The following GASK1A variants were observed in gnomAD, a reference collection of about 807,000 sequenced individuals.
GASK1A encodes Golgi-associated kinase 1A.
A neutral mutation model predicts 41.2 loss-of-function variants in GASK1A; 40 were observed. That is an observed-to-expected ratio of 0.97 (90% CI 0.75 to 1.27). GASK1A has a LOEUF of 1.27. Among genes scored for constraint, GASK1A ranks in the 50% most tolerant of loss-of-function variants. The pLI, the probability that GASK1A is intolerant of heterozygous loss-of-function variation, is 0.00. For missense variants in GASK1A, 678 were observed against 745.1 expected (o/e 0.91, Z 1.05); for synonymous variants, 316 against 307.1 (o/e 1.03, Z -0.30).
chr3:43,023,472 A>G, intron 1 of GASK1A, among the ~76,000 whole-genome samples: 1 of 152,234 alleles, frequency 6.6e-6, no homozygotes, highest in East Asian at 1.9e-4. Context: ...ACTGTGACAT[A>G]TGCATATGTT....
At chr3:43,035,439 A>G (rs1158527227) in intron 2 of GASK1A, among the ~76,000 whole-genome samples, 1 of 152,232 alleles carries the variant, frequency 6.6e-6, no homozygotes, top group Admixed American at 6.5e-5. Flanking sequence ...CCCCAGGAGC[A>G]GCCTGCAACT....
intron 2 of GASK1A, among the ~76,000 whole-genome samples, chr3:43,041,934 C>T (rs746747593): frequency 1.4e-4 from 21 of 152,162 alleles, no homozygotes; most frequent in Non-Finnish European, 2.6e-4. Context: ...AGGCCCCAGG[C>T]CTGTGACTGT....
At chr3:43,041,874 A>G (rs1177429478) in intron 2 of GASK1A, among the ~76,000 whole-genome samples, 1 of 152,178 alleles carries the variant, frequency 6.6e-6, no homozygotes, top group Non-Finnish European at 1.5e-5. Flanking sequence ...AGATTTTTTC[A>G]GGCCAGGTGC....
intron 1 of GASK1A, among the ~76,000 whole-genome samples, chr3:42,983,748 G>C (rs1469329353): frequency 2.0e-5 from 3 of 152,196 alleles, no homozygotes. Flanking sequence ...CTCTTCTGGG[G>C]TACAGCCCTT....
At chr3:42,992,513 G>T (rs1194424415) in intron 1 of GASK1A, among the ~76,000 whole-genome samples, 1 of 152,162 alleles carries the variant, frequency 6.6e-6, no homozygotes, top group Non-Finnish European at 1.5e-5. Context: ...GCATAGCAAG[G>T]CCTGGGCTTC....
In GASK1A at chr3:42,986,658, C is replaced by T. The variant is rs567112652; in HGVS notation, c.3+7013C>T. ...GGCCTGGCTCTTGGATGTGGGTGCT[C>T]GCCCCACCAGCTAGGGGTTTGTGTT... On this transcript the variant is annotated intron_variant, in intron 1 of 4. Coordinates refer to ENST00000430121, the MANE Select transcript of GASK1A (RefSeq NM_001129908.3). Among the ~76,000 whole-genome samples, 9 of 152,160 alleles carry T rather than the reference C, an allele frequency of 5.9e-5. No homozygotes were observed. In the South Asian group the frequency reaches 1.5e-3, roughly 25 times the overall value.
At chr3:43,052,589 G>T (rs1344993121) in intron 2 of GASK1A, among the ~76,000 whole-genome samples, 1 of 152,068 alleles carries the variant, frequency 6.6e-6, no homozygotes, top group Non-Finnish European at 1.5e-5. Context: ...ATTCCCTACT[G>T]CTCAGCCGCC....
chr3:43,041,193 A>G (rs1293004973), intron 2 of GASK1A, among the ~76,000 whole-genome samples: 2 of 150,116 alleles, frequency 1.3e-5, no homozygotes, highest in Admixed American at 1.3e-4. Context: ...ATACATGTGC[A>G]CGTGTCTTTA....
intron 3 of GASK1A, among the ~76,000 whole-genome samples, chr3:43,054,810 ATC>A (rs1380006047): frequency 6.6e-6 from 1 of 152,216 alleles, no homozygotes; most frequent in Non-Finnish European, 1.5e-5. Flanking sequence ...CTTCTGTAGA[ATC>A]AGATTATGGT....
chr3:43,047,079 C>T (rs908417356), intron 2 of GASK1A, among the ~76,000 whole-genome samples: 26 of 152,330 alleles, frequency 1.7e-4, no homozygotes, highest in Non-Finnish European at 1.3e-4. Context: ...GGAGTCAGAG[C>T]CCCCACACAG....
intron 1 of GASK1A, among the ~76,000 whole-genome samples, chr3:43,010,606 A>T (rs1190846579): frequency 6.6e-6 from 1 of 152,168 alleles, no homozygotes; most frequent in East Asian, 1.9e-4. Context: ...TGCCATCTCT[A>T]AGTTTGACAT....
intron 1 of GASK1A, among the ~76,000 whole-genome samples, chr3:43,014,406 A>C (rs2089479718): frequency 6.6e-6 from 1 of 151,884 alleles, no homozygotes; most frequent in Admixed American, 6.6e-5. Context: ...GTGTGAAGCC[A>C]CAAGAAGGGG....
At chr3:42,980,572 G>A (rs1226506760) in intron 1 of GASK1A, among the ~76,000 whole-genome samples, 1 of 152,144 alleles carries the variant, frequency 6.6e-6, no homozygotes, top group Non-Finnish European at 1.5e-5. Flanking sequence ...GCTGGGCCTG[G>A]GGTTTAGAAG....
Position 43,055,415 on chromosome 3 carries a change from C to T in GASK1A, c.1414-17C>T, listed in dbSNP as rs1415699969. ...CACCCTTACCCACCTCTGTCTCTGT[C>T]CACCCTCTTCCCTGAGGTCCGGAGC... is the stretch of plus-strand genomic sequence containing the variant. On this transcript the variant is annotated splice_polypyrimidine_tract_variant and intron_variant, in intron 3 of 4. Coordinates refer to ENST00000430121, the MANE Select transcript of GASK1A (RefSeq NM_001129908.3). 1.3e-6 allele frequency: 2 copies of T among 1,542,830 alleles called. No homozygotes were observed. Among genetic ancestry groups the T allele is most frequent in the Non-Finnish European group, 1.8e-6 (2 of 1,138,996 alleles).
chr3:42,998,484 T>C (rs948269086), intron 1 of GASK1A, among the ~76,000 whole-genome samples: 5 of 152,192 alleles, frequency 3.3e-5, no homozygotes, highest in African/African-American at 1.2e-4. Flanking sequence ...TGAACAGTTA[T>C]TATGTCCCTG....
Position 42,984,401 on chromosome 3 carries a change from C to T in GASK1A, c.3+4756C>T, listed in dbSNP as rs764279191. 6.6e-6 allele frequency among the ~76,000 whole-genome samples: 1 copy of T among 152,194 alleles called. No individual in the cohort carries two copies. Among genetic ancestry groups the T allele is most frequent in the South Asian group, 2.1e-4 (1 of 4,830 alleles). On this transcript the variant is annotated intron_variant, in intron 1 of 4. Coordinates refer to ENST00000430121, the MANE Select transcript of GASK1A (RefSeq NM_001129908.3). This position sits in a 1 kb window ranked among gnomAD's most constrained non-coding sequence, Gnocchi z 4.2. The stretch of plus-strand genomic sequence containing the variant: ...ACATGTGCACGCACACACACACTCA[C>T]GCATGCACACATACTCTTGGGAGTG...
At position 43,011,528 on chromosome 3, in the gene GASK1A, G is replaced by A. The variant is rs555988758; in HGVS notation, c.4-20739G>A. On this transcript the variant is annotated intron_variant, in intron 1 of 4. Coordinates refer to ENST00000430121, the MANE Select transcript of GASK1A (RefSeq NM_001129908.3). ...AGGATTTAGCACACACTGAATTGCA[G>A]CAAGTCAAGGCTGTGTGAAGCCATG... 4.6e-5 allele frequency among the ~76,000 whole-genome samples: 7 copies of A among 152,356 alleles called. No individual in the cohort carries two copies. In the South Asian group the frequency reaches 1.4e-3, roughly 32 times the overall value.
At chr3:43,046,440 G>A (rs941746508) in intron 2 of GASK1A, among the ~76,000 whole-genome samples, 1 of 152,184 alleles carries the variant, frequency 6.6e-6, no homozygotes, top group Admixed American at 6.5e-5. Context: ...TTTCTAAGCA[G>A]CAAAGCATTC....
chr3:43,056,513 A>C lies in GASK1A; in HGVS notation c.*127A>C. ...GCACAAGGATGTCACGGGATATTTCACCTGCCTGGGATGGTGGAGGTAGTA... is the reference window on the plus strand; with the variant it reads ...GCACAAGGATGTCACGGGATATTTCCCCTGCCTGGGATGGTGGAGGTAGTA... On this transcript the variant is annotated 3_prime_UTR_variant, in exon 5 of 5. Coordinates refer to ENST00000430121, the MANE Select transcript of GASK1A (RefSeq NM_001129908.3). 2.4e-6 allele frequency: 2 copies of C among 821,776 alleles called. No individual in the cohort carries two copies. Among genetic ancestry groups the C allele is most frequent in the Non-Finnish European group, 3.7e-6 (2 of 538,862 alleles). 50.9% of individuals were successfully genotyped at this position (821,776 alleles called of 1,614,324 possible).
Sources: allele counts gnomAD v4.1 joint callset (sites outside exome capture counted in the v4.1 genomes callset), GRCh38; gene constraint gnomAD v4.1.1; non-coding constraint Gnocchi (gnomAD v3.1); transcripts MANE v1.5; gene names NCBI Gene and HGNC (gene_info 2026-07-23, HGNC 2026-07-21).